The following HYAL1 variants were observed in gnomAD, a reference collection of about 807,000 sequenced individuals.
HYAL1 encodes the protein hyaluronidase 1, also known as hyaluronidase-1.
HYAL1 carries 21 observed loss-of-function variants against 28.8 expected under a neutral mutation model. The observed-to-expected ratio is 0.73, with a 90% CI of 0.52 to 1.05. The LOEUF (loss-of-function observed/expected upper bound fraction) is 1.05, where lower values mean the gene tolerates loss of function less well. Ranked by LOEUF, HYAL1 falls within the 50% of genes least tolerant of loss-of-function variation. The probability of loss-of-function intolerance (pLI) is 0.00; values close to 1 mark genes in which losing one functional copy is unlikely to be tolerated. For missense variants in HYAL1, 491 were observed against 579.2 expected (o/e 0.85, Z 1.56); for synonymous variants, 200 against 230.1 (o/e 0.87, Z 1.18).
At chr3:50,307,389 ACCAAAAT>A (rs1702352103), upstream of HYAL1, among the ~76,000 whole-genome samples, 1 of 149,042 alleles carries the variant, frequency 6.7e-6, no homozygotes, top group Non-Finnish European at 1.5e-5. Flanking sequence ...TAAAAAATAA[ACCAAAAT>A]AGGGCCGGAC....
intron 1 of HYAL1, among the ~76,000 whole-genome samples, chr3:50,310,773 G>A (rs1249658124): frequency 6.7e-6 from 1 of 150,364 alleles, no homozygotes; most frequent in Non-Finnish European, 1.5e-5. Flanking sequence ...GTGTCCCTGG[G>A]TACTTGAGAT....
rs1233043289 is a variant in HYAL1 at position 50,302,496 on chromosome 3, A to C, written c.461T>G (p.Leu154Arg). Residue 154 changes from leucine (L) to arginine (R), a missense_variant, in exon 2 of 4, where the codon CTG becomes CGG. Leu to Arg is a moderately radical substitution (Grantham distance 102, BLOSUM62 -2). Transcript: ENST00000395144. The surrounding 1 kb of genome is among the most constrained non-coding windows in gnomAD (Gnocchi z 5.0). Reference sequence around the variant, plus strand: ...CCAATCAGGGTGCTGTGCCTGTACCAGTGCCCGTGAGCGCTGCCGGTAAAT... The same window carrying C: ...CCAATCAGGGTGCTGTGCCTGTACCCGTGCCCGTGAGCGCTGCCGGTAAAT... ...KDIYRQRSRA[L>R]VQAQHPDWPA... The C allele has an allele frequency of 6.2e-7, 1 of 1,614,038 alleles. No individual in the cohort carries two copies. The highest frequency in any genetic ancestry group is 8.5e-7 in the Non-Finnish European group (1 of 1,180,042).
intron 2 of HYAL1, among the ~76,000 whole-genome samples, chr3:50,301,548 T>G (rs1575514223): frequency 7.4e-6 from 1 of 135,580 alleles, no homozygotes; most frequent in African/African-American, 2.8e-5. Flanking sequence ...ATCCGGAAGG[T>G]GGAGGGTGCA....
At chr3:50,307,131 G>A (rs1702348166), upstream of HYAL1, among the ~76,000 whole-genome samples, 1 of 150,206 alleles carries the variant, frequency 6.7e-6, no homozygotes, top group Non-Finnish European at 1.5e-5. Flanking sequence ...TTGGGAGACT[G>A]AGGCAGGAGG....
intron 1 of HYAL1, among the ~76,000 whole-genome samples, chr3:50,311,756 C>T (rs1167482921): frequency 6.9e-6 from 1 of 144,102 alleles, no homozygotes; most frequent in Non-Finnish European, 1.5e-5. Flanking sequence ...GGGCGGCTGG[C>T]TGGGCAGAGG....
At chr3:50,304,296 A>AAAAAAAATATAT (rs1553713686), upstream of HYAL1, among the ~76,000 whole-genome samples, 1 of 30,476 alleles carries the variant, frequency 3.3e-5, no homozygotes, top group Non-Finnish European at 6.1e-5. Context: ...AAAAAAAAAA[A>AAAAAAAATATAT]ATATATATAT....
In HYAL1 at chr3:50,300,909, G is replaced by T; in HGVS notation, c.990+79C>A. The T allele has an allele frequency of 2.0e-6, 3 of 1,507,724 alleles. No homozygotes were observed. In the South Asian group the frequency reaches 3.5e-5, roughly 18 times the overall value. 93.4% of individuals were successfully genotyped at this position (1,507,724 alleles called of 1,614,324 possible). On this transcript the variant is annotated intron_variant, in intron 3 of 3. Transcript: ENST00000395144. ...CAGCCAGGACTTTGCAGGTAGAAAGGGTAAGTCAGGGTCTACCCCGTCAGC... is the reference window on the plus strand; with the variant it reads ...CAGCCAGGACTTTGCAGGTAGAAAGTGTAAGTCAGGGTCTACCCCGTCAGC...
Position 50,302,885 on chromosome 3 carries a change from G to C in HYAL1, c.72C>G (p.Gly24=). 1 of 1,612,222 alleles carries C rather than the reference G, an allele frequency of 6.2e-7. No homozygotes were observed. The highest frequency in any genetic ancestry group is 8.5e-7 in the Non-Finnish European group (1 of 1,178,746). The change falls in exon 2 of 4, where the codon GGC becomes GGG. Residue 24 remains glycine (G), a synonymous_variant. Coordinates refer to ENST00000395144, the MANE Select transcript of HYAL1 (RefSeq NM_033159.4). This position sits in a 1 kb window ranked among gnomAD's most constrained non-coding sequence, Gnocchi z 5.0. ...TLLDMAQGFR[G]PLLPNRPFTT... ...TGAAGGGCCGGTTGGGTAGCAAGGG[G>C]CCCCTAAAGCCTTGGGCCATATCGA...
chr3:50,311,624 ACCC>A (rs1252423366), intron 1 of HYAL1, among the ~76,000 whole-genome samples: 1 of 99,402 alleles, frequency 1.0e-5, no homozygotes, highest in Non-Finnish European at 2.0e-5. Flanking sequence ...CGGGGGGCTG[ACCC>A]CCCCACCTCC....
At position 50,302,339 on chromosome 3, in the gene HYAL1, G is replaced by A. The variant is rs782079716; in HGVS notation, c.618C>T (p.Asp206=). The part of the protein sequence containing the change: ...RGLWGFYGFP[D]CYNYDFLSPN... ...GGCTTAGAAAGTCATAGTTGTAGCAGTCAGGGAAGCCATAGAAGCCCCAGA... is the reference window on the plus strand; with the variant it reads ...GGCTTAGAAAGTCATAGTTGTAGCAATCAGGGAAGCCATAGAAGCCCCAGA... Residue 206 remains aspartate, a synonymous_variant, in exon 2 of 4, where the codon GAC becomes GAT. Transcript: ENST00000395144. The surrounding 1 kb of genome is among the most constrained non-coding windows in gnomAD (Gnocchi z 5.0). 3.7e-5 allele frequency: 59 copies of A among 1,613,398 alleles called. No homozygotes were observed. Among genetic ancestry groups the A allele is most frequent in the Non-Finnish European group, 4.7e-5 (56 of 1,179,984 alleles).
upstream of HYAL1, among the ~76,000 whole-genome samples, chr3:50,307,644 G>A (rs1702358483): frequency 9.1e-6 from 1 of 109,938 alleles, no homozygotes; most frequent in African/African-American, 3.9e-5. Flanking sequence ...TCATGCCACT[G>A]CACTCCAGCC....
At position 50,299,991 on chromosome 3, in the gene HYAL1, G is replaced by A. The variant is rs1283; in HGVS notation, c.*492C>T. 0.068 allele frequency: 15,486 copies of A among 228,750 alleles called. 771 individuals are homozygous for A. Among genetic ancestry groups the A allele is most frequent in the Middle Eastern group, 0.12 (64 of 556 alleles). The allele number at this position is 228,750 out of a possible 1,614,324, so 14.2% of individuals were successfully genotyped here. On this transcript the variant is annotated 3_prime_UTR_variant, in exon 4 of 4. Transcript: ENST00000395144. ...CAAACTCAGTAGGAGTGCAAGGGCTGTACCCCCGGAGCTAGACAGCCTGGG... is the reference window on the plus strand; with the variant it reads ...CAAACTCAGTAGGAGTGCAAGGGCTATACCCCCGGAGCTAGACAGCCTGGG...
At chr3:50,306,649 G>A (rs1328062957), upstream of HYAL1, among the ~76,000 whole-genome samples, 2 of 151,148 alleles carry the variant, frequency 1.3e-5, no homozygotes, top group Non-Finnish European at 2.9e-5. Context: ...CACTTTGGGA[G>A]GCCGAGGTGG....
At position 50,311,757 on chromosome 3, in the gene HYAL1, T is replaced by C. The variant is rs1408579120; in HGVS notation, c.-310+507A>G. Reference sequence around the variant, plus strand: ...CTCCCTCACGGACGGGGCGGCTGGCTGGGCAGAGGGGCTCCTCACTTCCCA... The same window carrying C: ...CTCCCTCACGGACGGGGCGGCTGGCCGGGCAGAGGGGCTCCTCACTTCCCA... On this transcript the variant is annotated intron_variant, in intron 1 of 5. Transcript: ENST00000320295. Among the ~76,000 whole-genome samples, 84 of 110,802 alleles carry C rather than the reference T, an allele frequency of 7.6e-4. 1 individual carries two copies. Among genetic ancestry groups the C allele is most frequent in the African/African-American group, 2.0e-3 (56 of 27,930 alleles). 72.7% of individuals were successfully genotyped at this position (110,802 alleles called of 152,430 possible). A position where few individuals can be genotyped will look rare whatever the true frequency, so the allele number is the denominator to read the frequency against.
In HYAL1 at chr3:50,300,053, C is replaced by A; in HGVS notation, c.*430G>T. ...ACTTCTCCCTTTTCTTGCTGTGCAA[C>A]CTTGGGCAACGTGCTTACTCTCAAT... On this transcript the variant is annotated 3_prime_UTR_variant, in exon 4 of 4. Transcript: ENST00000395144. 3 of 258,008 alleles carry A rather than the reference C, an allele frequency of 1.2e-5. No homozygotes were observed. The highest frequency in any genetic ancestry group is 2.3e-5 in the Non-Finnish European group (3 of 129,910). The allele number at this position is 258,008 out of a possible 1,614,324, so 16.0% of individuals were successfully genotyped here. A position where few individuals can be genotyped will look rare whatever the true frequency, so the allele number is the denominator to read the frequency against.
Position 50,301,542 on chromosome 3 carries a change from G to A in HYAL1, c.901-465C>T, listed in dbSNP as rs369520057. On this transcript the variant is annotated intron_variant, in intron 2 of 3. Coordinates refer to ENST00000395144, the MANE Select transcript of HYAL1 (RefSeq NM_033159.4). ...TGAGGCAGGAGAATCACTTGAATCCGGAAGGTGGAGGGTGCAGGAGCTGAG... is the reference window on the plus strand; with the variant it reads ...TGAGGCAGGAGAATCACTTGAATCCAGAAGGTGGAGGGTGCAGGAGCTGAG... 2.0e-4 allele frequency among the ~76,000 whole-genome samples: 30 copies of A among 152,014 alleles called. No homozygotes were observed. In the East Asian group the frequency reaches 3.7e-3, roughly 19 times the overall value.
At position 50,300,750 on chromosome 3, in the gene HYAL1, G is replaced by A. The variant is rs377105091; in HGVS notation, c.1041C>T (p.Phe347=). 6.9e-5 allele frequency: 111 copies of A among 1,614,060 alleles called. No individual in the cohort carries two copies. The highest frequency in any genetic ancestry group is 1.7e-4 in the Middle Eastern group (1 of 6,056). Residue 347 remains phenylalanine, a synonymous_variant, in exon 4 of 4, where the codon TTC becomes TTT. Coordinates refer to ENST00000395144, the MANE Select transcript of HYAL1 (RefSeq NM_033159.4). ...KEYMDTTLGP[F]ILNVTSGALL... ...GGGCCCCACTGGTCACGTTCAGGAT[G>A]AAGGGCCCCAGTGTAGTGTCCATAT...
chr3:50,312,062 C>T lies in HYAL1; in HGVS notation c.-310+202G>A, dbSNP rs1320864456. ...CTCCCGGACGGGGCGGCTGGCCGGG[C>T]GGGGGGCTGACCCCCCCACCTCCCT... On this transcript the variant is annotated intron_variant, in intron 1 of 5. Coordinates refer to the HYAL1 transcript ENST00000320295. 7.5e-5 allele frequency among the ~76,000 whole-genome samples: 10 copies of T among 132,496 alleles called. No homozygotes were observed. The South Asian group carries it at 9.3e-4, about 12-fold the overall frequency. 86.9% of individuals were successfully genotyped at this position (132,496 alleles called of 152,430 possible). A position where few individuals can be genotyped will look rare whatever the true frequency, so the allele number is the denominator to read the frequency against.
chr3:50,302,253 A>G lies in HYAL1; in HGVS notation c.704T>C (p.Leu235Pro), dbSNP rs782608355. ...ATAGAGGGCACGGCTCTGGCCCCAC[A>G]GCCACCCTAGCTGGTCATTTTGGGC... Reference protein sequence around the residue: ...IRAQNDQLGWLWGQSRALYPS... With the variant: ...IRAQNDQLGWPWGQSRALYPS... Residue 235 changes from leucine (L) to proline (P), a missense_variant, in exon 2 of 4, where the codon CTG becomes CCG. Transcript: ENST00000395144. This position sits in a 1 kb window ranked among gnomAD's most constrained non-coding sequence, Gnocchi z 5.0. 3 of 1,613,920 alleles carry G rather than the reference A, an allele frequency of 1.9e-6. No homozygotes were observed. The highest frequency in any genetic ancestry group is 2.5e-6 in the Non-Finnish European group (3 of 1,180,026).
Sources: allele counts gnomAD v4.1 joint callset (sites outside exome capture counted in the v4.1 genomes callset), GRCh38; gene constraint gnomAD v4.1.1; non-coding constraint Gnocchi (gnomAD v3.1); transcripts MANE v1.5; gene names NCBI Gene and HGNC (gene_info 2026-07-23, HGNC 2026-07-21).